The following RPS6KA5 variants were observed in gnomAD, a reference collection of about 807,000 sequenced individuals.
RPS6KA5 encodes the protein ribosomal protein S6 kinase A5.
Under a neutral mutation model 85.5 loss-of-function variants are expected in RPS6KA5, and 27 were observed. The ratio of observed to expected loss-of-function variants is 0.32; its 90% CI spans 0.23 to 0.44. RPS6KA5 has a LOEUF of 0.44. Ranked by LOEUF, RPS6KA5 falls within the 20% of genes least tolerant of loss-of-function variation. The pLI, the probability that RPS6KA5 is intolerant of heterozygous loss-of-function variation, is 1.00. For synonymous variants in RPS6KA5, 334 were observed against 348.2 expected (o/e 0.96, Z 0.46); for missense variants, 811 against 980.9 (o/e 0.83, Z 2.31).
intron 7 of RPS6KA5, among the ~76,000 whole-genome samples, chr14:90,918,140 T>C (rs1424998357): frequency 6.6e-6 from 1 of 152,232 alleles, no homozygotes; most frequent in Non-Finnish European, 1.5e-5. Flanking sequence ...CATTTTACAT[T>C]TCCCCTTGCA....
chr14:90,934,180 C>T (rs1398728599), intron 5 of RPS6KA5, among the ~76,000 whole-genome samples: 1 of 152,112 alleles, frequency 6.6e-6, no homozygotes, highest in Non-Finnish European at 1.5e-5. Context: ...TGCAAGATCT[C>T]AACACTGAGA....
chr14:91,015,949 G>A (rs1326881332), intron 1 of RPS6KA5, among the ~76,000 whole-genome samples: 1 of 152,096 alleles, frequency 6.6e-6, no homozygotes, highest in Non-Finnish European at 1.5e-5. Flanking sequence ...CATTCTAACT[G>A]TTTAATCAAC....
chr14:90,891,046 GTTTAATA>G (rs977509471), intron 13 of RPS6KA5, among the ~76,000 whole-genome samples: 22 of 151,712 alleles, frequency 1.5e-4, no homozygotes, highest in African/African-American at 5.1e-4. Context: ...AAGTTAAAAC[GTTTAATA>G]TTTTTTCCTA....
At chr14:90,959,950 C>T (rs2038712039) in intron 3 of RPS6KA5, among the ~76,000 whole-genome samples, 1 of 152,126 alleles carries the variant, frequency 6.6e-6, no homozygotes, top group Admixed American at 6.5e-5. Context: ...ACATGGGAAA[C>T]CTCTGAGAAC....
At chr14:90,954,452 CA>C (rs1226410531) in intron 3 of RPS6KA5, among the ~76,000 whole-genome samples, 1 of 152,170 alleles carries the variant, frequency 6.6e-6, no homozygotes, top group Non-Finnish European at 1.5e-5. Context: ...CTCCCTCTGT[CA>C]CCCAGACTGG....
Position 90,864,915 on chromosome 14 carries a change from T to C in RPS6KA5, c.*7159A>G, listed in dbSNP as rs2140119211. Reference sequence around the variant, plus strand: ...TACTAGGGCTGATGGTACCAAGCACTGATGAGGATGTGGAAGAACTAGAAC... The same window carrying C: ...TACTAGGGCTGATGGTACCAAGCACCGATGAGGATGTGGAAGAACTAGAAC... On this transcript the variant is annotated 3_prime_UTR_variant, in exon 17 of 17. Coordinates refer to ENST00000614987, the MANE Select transcript of RPS6KA5 (RefSeq NM_004755.4). 1 of 152,350 alleles carries C rather than the reference T, an allele frequency of 6.6e-6. No individual in the cohort carries two copies. The highest frequency in any genetic ancestry group is 2.1e-4 in the South Asian group (1 of 4,826). The allele number at this position is 152,350 out of a possible 1,614,324, so 9.4% of individuals were successfully genotyped here.
At chr14:91,012,507 T>C (rs993643416) in intron 1 of RPS6KA5, among the ~76,000 whole-genome samples, 4 of 152,242 alleles carry the variant, frequency 2.6e-5, no homozygotes, top group Non-Finnish European at 4.4e-5. Context: ...AGTTGTTACA[T>C]TGGGCTTACC....
chr14:91,004,362 C>T (rs905077855), intron 1 of RPS6KA5, among the ~76,000 whole-genome samples: 6 of 152,028 alleles, frequency 3.9e-5, no homozygotes, highest in Admixed American at 2.6e-4. Flanking sequence ...TGAGCCACCG[C>T]GCCTTCACTT....
chr14:91,046,495 C>T (rs2042878136), intron 1 of RPS6KA5, among the ~76,000 whole-genome samples: 1 of 152,176 alleles, frequency 6.6e-6, no homozygotes, highest in African/African-American at 2.4e-5. Flanking sequence ...TCTGTTCATG[C>T]TGTCTTCATG....
At position 90,857,423 on chromosome 14, in the gene RPS6KA5, A is replaced by C. The variant is rs1432665751; in HGVS notation, c.*14651T>G. The C allele has an allele frequency of 6.6e-6, 1 of 152,224 alleles. No homozygotes were observed. The highest frequency in any genetic ancestry group is 2.4e-5 in the African/African-American group (1 of 41,468). 9.4% of individuals were successfully genotyped at this position (152,224 alleles called of 1,614,324 possible). ...AGTTAAAATGGGAAACCACAGTAGG[A>C]TGATTCTTCATCAGATTTCATGTCG... On this transcript the variant is annotated 3_prime_UTR_variant, in exon 17 of 17. Transcript: ENST00000614987.
intron 1 of RPS6KA5, among the ~76,000 whole-genome samples, chr14:91,050,095 T>G (rs139722500): frequency 1.2e-3 from 181 of 152,328 alleles, no homozygotes; most frequent in Non-Finnish European, 1.6e-3. Flanking sequence ...ACTGAAATCT[T>G]TCAAAGTTTC....
chr14:90,989,653 A>C (rs2040220654), intron 2 of RPS6KA5, among the ~76,000 whole-genome samples: 1 of 152,202 alleles, frequency 6.6e-6, no homozygotes, highest in South Asian at 2.1e-4. Context: ...GTCAAAAGGA[A>C]GGCAGCAGAG....
chr14:91,007,860 T>A (rs1450909855), intron 1 of RPS6KA5, among the ~76,000 whole-genome samples: 6 of 152,194 alleles, frequency 3.9e-5, no homozygotes, highest in Non-Finnish European at 8.8e-5. Flanking sequence ...TTATCCAGGT[T>A]CACTGTTTTT....
intron 1 of RPS6KA5, among the ~76,000 whole-genome samples, chr14:91,059,175 C>A (rs1261526714): frequency 6.7e-6 from 1 of 149,386 alleles, no homozygotes; most frequent in African/African-American, 2.5e-5. Context: ...ACCCCGCCCC[C>A]ACAAAAAATA....
At chr14:90,918,469 T>C (rs907667202) in intron 7 of RPS6KA5, among the ~76,000 whole-genome samples, 1 of 152,202 alleles carries the variant, frequency 6.6e-6, no homozygotes, top group Non-Finnish European at 1.5e-5. Context: ...TCCCAGTCTG[T>C]GGCTTGTCTT....
rs7143758 is a variant in RPS6KA5 at position 90,947,492 on chromosome 14, C to G, written c.453G>C (p.Glu151Asp). The G allele has an allele frequency of 2.4e-4, 388 of 1,612,966 alleles. 3 individuals are homozygous for G. In the African/African-American group the frequency reaches 3.3e-3, roughly 14 times the overall value. The change falls in exon 4 of 17, where the codon GAG (glutamate) becomes GAC (aspartate). Residue 151 changes from glutamate (E) to aspartate (D), a missense_variant. Physicochemically the swap from Glu to Asp is conservative, Grantham distance 45 (BLOSUM62 2). This residue lies in a region of RPS6KA5 where 650 missense variants were observed against 793.4 expected (regional missense o/e 0.82). Coordinates refer to ENST00000614987, the MANE Select transcript of RPS6KA5 (RefSeq NM_004755.4). ...CTCCAACATAAATCTGCACCTCATG[C>G]TCTGTGAAACGCTCTCTTTGAGAAA... ...THLSQRERFT[E>D]HEVQIYVGEI... is the part of the protein sequence containing the mutation.
rs569230202 is a variant in RPS6KA5 at position 90,925,897 on chromosome 14, G to A, written c.619-2701C>T. Among the ~76,000 whole-genome samples the A allele has an allele frequency of 3.9e-5, 5 of 129,824 alleles. No individual in the cohort carries two copies. The East Asian group carries it at 7.1e-4, about 18-fold the overall frequency. 85.2% of individuals were successfully genotyped at this position (129,824 alleles called of 152,430 possible). A position where few individuals can be genotyped will look rare whatever the true frequency, so the allele number is the denominator to read the frequency against. ...ATCGAGGCTGCAGTGAGCCATGATC[G>A]CACCACTGCACTCCAGCCTCGGTGA... On this transcript the variant is annotated intron_variant, in intron 5 of 16. Transcript: ENST00000614987.
chr14:90,995,688 T>C (rs868408908), intron 2 of RPS6KA5, among the ~76,000 whole-genome samples: 5 of 152,160 alleles, frequency 3.3e-5, no homozygotes, highest in Non-Finnish European at 5.9e-5. Flanking sequence ...TTTCCTTACT[T>C]TTGCCAGGTA....
chr14:90,943,515 T>C (rs1447617954), intron 4 of RPS6KA5, among the ~76,000 whole-genome samples: 4 of 152,182 alleles, frequency 2.6e-5, no homozygotes, highest in Non-Finnish European at 5.9e-5. Context: ...TCAGGTGCCT[T>C]CATAGCCAAT....
Sources: gnomAD v4.1 joint callset for allele counts (sites outside exome capture counted in the v4.1 genomes callset) on GRCh38, gnomAD v4.1.1 for gene constraint, gnomAD v4.1.1 regional missense constraint, MANE v1.5 for transcripts, NCBI Gene and HGNC (gene_info 2026-07-23, HGNC 2026-07-21) for gene names.